INTS8: variants seen among roughly 807,000 people sequenced by gnomAD.
INTS8 encodes the protein protein kaonashi-1.
Under a neutral mutation model 138.9 loss-of-function variants are expected in INTS8, and 47 were observed. The ratio of observed to expected loss-of-function variants is 0.34; its 90% confidence interval spans 0.27 to 0.43. The LOEUF is 0.43. INTS8 is among the 20% of genes least tolerant of loss of function. The probability of loss-of-function intolerance (pLI) is 1.00; values close to 1 mark genes in which losing one functional copy is unlikely to be tolerated. For missense variants in INTS8, 996 were observed against 1,173.0 expected (o/e 0.85, Z 2.20); for synonymous variants, 392 against 400.9 (o/e 0.98, Z 0.27).
intron 16 of INTS8, among the ~76,000 whole-genome samples, chr8:94,864,955 C>T (rs1283218462): frequency 2.0e-5 from 3 of 152,098 alleles, no homozygotes; most frequent in African/African-American, 7.2e-5. Flanking sequence ...AAATCTATAT[C>T]CCTTAATTCT....
At chr8:94,831,045 C>T (rs1052315657) in intron 5 of INTS8, among the ~76,000 whole-genome samples, 1 of 152,194 alleles carries the variant, frequency 6.6e-6, no homozygotes, top group African/African-American at 2.4e-5. Context: ...ATCTGCCCAT[C>T]TTGGGCTCCT....
intron 26 of INTS8, among the ~76,000 whole-genome samples, chr8:94,878,573 C>T (rs1198284770): frequency 6.6e-6 from 1 of 152,182 alleles, no homozygotes; most frequent in Non-Finnish European, 1.5e-5. Flanking sequence ...ATTCTCTCCC[C>T]CTCAATAACC....
At chr8:94,851,427 C>T in intron 12 of INTS8, 126 bp from the exon 13 acceptor site, 1 of 543,346 alleles carries the variant, frequency 1.8e-6, no homozygotes, top group Non-Finnish European at 3.0e-6. Flanking sequence ...ATGTTGAATG[C>T]ATCAGTTCTC....
chr8:94,876,627 G>A lies in INTS8; in HGVS notation c.2871+138G>A, dbSNP rs1240635252. On this transcript the variant is annotated intron_variant, in intron 26 of 26. Coordinates refer to ENST00000523731, the MANE Select transcript of INTS8 (RefSeq NM_017864.4). ...TATTATCAGTGTTTACTTTATAAAA[G>A]ATCCTTTTTTGATAATTTTAACTGT... 4 of 536,414 alleles carry A rather than the reference G, an allele frequency of 7.5e-6. No homozygotes were observed. In the East Asian group the frequency reaches 9.3e-5, roughly 13 times the overall value. The allele number at this position is 536,414 out of a possible 1,614,324, so 33.2% of individuals were successfully genotyped here.
chr8:94,825,986 G>T (rs1814485432), intron 2 of INTS8, among the ~76,000 whole-genome samples: 2 of 151,994 alleles, frequency 1.3e-5, no homozygotes, highest in South Asian at 4.1e-4. Context: ...GAATTCCGTT[G>T]TATGGGTAAT....
intron 7 of INTS8, among the ~76,000 whole-genome samples, chr8:94,837,353 T>C (rs1477659277): frequency 6.6e-6 from 1 of 152,206 alleles, no homozygotes; most frequent in Non-Finnish European, 1.5e-5. Flanking sequence ...ACTAGGTTTT[T>C]ATATGGCTGG....
rs376781761 is a variant in INTS8 at position 94,873,462 on chromosome 8, T to C, written c.2622T>C (p.Asp874=). 12 of 1,611,398 alleles carry C rather than the reference T, an allele frequency of 7.4e-6. No homozygotes were observed. Among genetic ancestry groups the C allele is most frequent in the Non-Finnish European group, 4.2e-6 (5 of 1,177,546 alleles). The change falls in exon 22 of 27, where the codon GAT becomes GAC. Residue 874 remains aspartate, a synonymous_variant. Transcript: ENST00000523731. Reference sequence around the variant, plus strand: ...TCTTTAACAAGGCTGTGCCCCCTGATGTTTATACAGACCAGGTGAATTGTT... The same window carrying C: ...TCTTTAACAAGGCTGTGCCCCCTGACGTTTATACAGACCAGGTGAATTGTT... ...SDFFNKAVPP[D]VYTDQVIKRM...
rs1816122984 is a variant in INTS8 at position 94,865,001 on chromosome 8, T to C, written c.2077-505T>C. ...GTTTCCTTATTCCTTTCCTTATTTT[T>C]TTCGTTGAAACAATTTTTTTTTTTA... On this transcript the variant is annotated intron_variant, in intron 16 of 26. Transcript: ENST00000523731. Among the ~76,000 whole-genome samples the C allele has an allele frequency of 2.0e-5, 3 of 151,518 alleles. No homozygotes were observed. In the South Asian group the frequency reaches 6.2e-4, roughly 31 times the overall value.
chr8:94,844,402 C>T (rs760877423), intron 10 of INTS8, among the ~76,000 whole-genome samples: 3 of 152,140 alleles, frequency 2.0e-5, no homozygotes, highest in Non-Finnish European at 4.4e-5. Flanking sequence ...CTGCAACCTC[C>T]ACCTCCCAGT....
intron 5 of INTS8, among the ~76,000 whole-genome samples, chr8:94,830,096 G>A (rs112248596): frequency 0.16 from 23,869 of 152,012 alleles, 2,031 homozygotes; most frequent in Middle Eastern, 0.26. Flanking sequence ...GGGTTTCACC[G>A]TGTTGGCCAG....
intron 10 of INTS8, among the ~76,000 whole-genome samples, chr8:94,848,012 G>GTTTTTTTTTTTTTTTTT (rs1169477857): frequency 2.5e-4 from 30 of 120,036 alleles, no homozygotes; most frequent in African/African-American, 3.5e-4. Context: ...TTAAAACACT[G>GTTTTTTTTTTTTTTTTT]CTTTTTTTTT....
intron 14 of INTS8, 37 bp downstream of exon 14, chr8:94,853,952 A>G (rs1412743969): frequency 7.9e-7 from 1 of 1,264,402 alleles, no homozygotes; most frequent in Admixed American, 1.7e-5. Context: ...TGTTAAGAAT[A>G]TGCTTTATGG....
At chr8:94,874,386 G>T (rs1182862009) in intron 22 of INTS8, among the ~76,000 whole-genome samples, 166 bp from the exon 23 acceptor site, 1 of 151,846 alleles carries the variant, frequency 6.6e-6, no homozygotes, top group Non-Finnish European at 1.5e-5. Flanking sequence ...ATTTTTTACA[G>T]CACTTTTAAG....
chr8:94,833,055 G>A (rs1227701032), intron 6 of INTS8, among the ~76,000 whole-genome samples: 3 of 151,014 alleles, frequency 2.0e-5, no homozygotes, highest in African/African-American at 4.9e-5. Flanking sequence ...TATGTTCTGC[G>A]TCTTACTTTC....
At chr8:94,840,906 A>C (rs1171820063) in intron 8 of INTS8, among the ~76,000 whole-genome samples, 2 of 144,174 alleles carry the variant, frequency 1.4e-5, no homozygotes, top group Non-Finnish European at 3.0e-5. Flanking sequence ...GTTTAGAGAG[A>C]ATAATAATTT....
In INTS8 at chr8:94,856,811, G is replaced by T. The variant is rs774559705; in HGVS notation, c.1787G>T (p.Cys596Phe). The T allele has an allele frequency of 6.2e-7, 1 of 1,614,096 alleles. No individual in the cohort carries two copies. Among genetic ancestry groups the T allele is most frequent in the Non-Finnish European group, 8.5e-7 (1 of 1,180,022 alleles). The change falls in exon 15 of 27, where the codon TGT (cysteine) becomes TTT (phenylalanine). Residue 596 changes from cysteine to phenylalanine, a missense_variant. Cys to Phe is a radical substitution (Grantham distance 205). Transcript: ENST00000523731. ...FSHAKQLFAA[C>F]LELVTEFSPK... ...CATGCTAAACAGCTCTTTGCTGCTT[G>T]TTTGGAGTTGGTAACAGAGTTCTCA...
chr8:94,827,204 A>T, intron 2 of INTS8, 59 bp from the exon 3 acceptor site: 1 of 1,444,198 alleles, frequency 6.9e-7, no homozygotes, highest in Non-Finnish European at 9.7e-7. Context: ...GGAATTTTGT[A>T]TGTATTTTGT....
chr8:94,841,506 T>A lies in INTS8; in HGVS notation c.1033T>A (p.Phe345Ile). 1 of 1,596,396 alleles carries A rather than the reference T, an allele frequency of 6.3e-7. No homozygotes were observed. The highest frequency in any genetic ancestry group is 2.2e-5 in the East Asian group (1 of 44,614). The change falls in exon 9 of 27, where the codon TTC becomes ATC. Residue 345 changes from phenylalanine to isoleucine, a missense_variant. Physicochemically the swap from Phe to Ile is conservative, Grantham distance 21. Transcript: ENST00000523731. ...TGTGTTCTAGGAGGTAATACAGATT[T>A]TCATTGAAGACAACTTAACCTTGAG... ...SGNYQEVIQI[F>I]IEDNLTLSLP... is the part of the protein sequence containing the mutation.
At chr8:94,856,380 G>A (rs10441538) in intron 14 of INTS8, among the ~76,000 whole-genome samples, 78,590 of 151,924 alleles carry the variant, frequency 0.52, 20,495 homozygotes, top group East Asian at 0.66. Context: ...CAATTTTATC[G>A]TCTAGTACGG....
Sources: allele counts gnomAD v4.1 joint callset (sites outside exome capture counted in the v4.1 genomes callset), GRCh38; gene constraint gnomAD v4.1.1; transcripts MANE v1.5; gene names NCBI Gene and HGNC (gene_info 2026-07-23, HGNC 2026-07-21).